The following NDST4 variants were observed in gnomAD, a reference collection of about 807,000 sequenced individuals.
The protein encoded by NDST4 is N-heparan sulfate sulfotransferase 4.
In NDST4, 63 loss-of-function variants were observed where a neutral mutation model predicts 100.8. That is an observed-to-expected ratio of 0.62 (90% CI 0.51 to 0.77). NDST4 has a LOEUF of 0.77. NDST4 is among the 30% of genes least tolerant of loss of function. The pLI, the probability that NDST4 is intolerant of heterozygous loss-of-function variation, is 0.00. For synonymous variants in NDST4, 377 were observed against 361.8 expected, an observed-to-expected ratio of 1.04 and a Z score of -0.48; for missense variants, 943 against 1,018.4, an observed-to-expected ratio of 0.93 and a Z score of 1.01.
intron 12 of NDST4, among the ~76,000 whole-genome samples, chr4:114,832,284 G>A (rs1171407861): frequency 6.6e-6 from 1 of 152,132 alleles, no homozygotes; most frequent in East Asian, 1.9e-4. Context: ...GGTTGTTTTA[G>A]TGGATAAGGA....
chr4:115,007,276 C>T (rs532512281), intron 2 of NDST4, among the ~76,000 whole-genome samples: 2 of 152,258 alleles, frequency 1.3e-5, no homozygotes, highest in African/African-American at 2.4e-5. Flanking sequence ...GTTAAAACTT[C>T]TAAATGCTTA....
rs376299284 is a variant in NDST4 at position 114,937,520 on chromosome 4, A to T, written c.1222-17T>A. On this transcript the variant is annotated splice_polypyrimidine_tract_variant and intron_variant, in intron 4 of 13. Transcript: ENST00000264363. ...TCCATGTTCCTAAAACAAAGCCAGA[A>T]CAACATCATGATGGGACAAGGCCAA... The T allele has an allele frequency of 2.0e-5, 30 of 1,527,906 alleles. No individual in the cohort carries two copies. The highest frequency in any genetic ancestry group is 2.5e-5 in the Non-Finnish European group (29 of 1,138,852). The allele number at this position is 1,527,906 out of a possible 1,614,324, so 94.6% of individuals were successfully genotyped here.
At chr4:115,099,681 A>G (rs1729691395) in intron 1 of NDST4, among the ~76,000 whole-genome samples, 1 of 152,178 alleles carries the variant, frequency 6.6e-6, no homozygotes, top group Non-Finnish European at 1.5e-5. Flanking sequence ...TGGGGAGGAC[A>G]TAGAGCAACA....
intron 2 of NDST4, among the ~76,000 whole-genome samples, chr4:114,986,794 A>ATATGTG (rs1726914603): frequency 9.6e-5 from 1 of 10,390 alleles, no homozygotes; most frequent in African/African-American, 3.4e-4. Context: ...CCAATTATAC[A>ATATGTG]TATATATATA....
intron 1 of NDST4, among the ~76,000 whole-genome samples, chr4:115,107,018 T>G (rs1729846510): frequency 6.6e-6 from 1 of 151,878 alleles, no homozygotes; most frequent in South Asian, 2.1e-4. Context: ...ATTATCTGGG[T>G]GAGGTGGTGT....
intron 2 of NDST4, among the ~76,000 whole-genome samples, chr4:115,047,308 A>G (rs1728483194): frequency 6.6e-6 from 1 of 152,096 alleles, no homozygotes; most frequent in South Asian, 2.1e-4. Context: ...AAATTAATGT[A>G]GTAATTTTTG....
chr4:114,975,929 C>T (rs1578425131), intron 3 of NDST4, among the ~76,000 whole-genome samples: 2 of 152,064 alleles, frequency 1.3e-5, no homozygotes, highest in East Asian at 1.9e-4. Flanking sequence ...ATTGCTTTGC[C>T]TGTGCAGATA....
intron 8 of NDST4, among the ~76,000 whole-genome samples, chr4:114,852,331 T>C (rs1177770231): frequency 6.6e-6 from 1 of 152,176 alleles, no homozygotes; most frequent in Non-Finnish European, 1.5e-5. Context: ...AAGGCTGATA[T>C]ACCAGATAAA....
chr4:114,992,768 C>T (rs1298239978), intron 2 of NDST4, among the ~76,000 whole-genome samples: 1 of 151,748 alleles, frequency 6.6e-6, no homozygotes, highest in Non-Finnish European at 1.5e-5. Flanking sequence ...ATAAGTTTTA[C>T]AATTAATTTA....
intron 2 of NDST4, among the ~76,000 whole-genome samples, chr4:115,001,681 A>G (rs1007920533): frequency 2.0e-5 from 3 of 152,022 alleles, no homozygotes; most frequent in African/African-American, 7.2e-5. Context: ...CAGGACTAGA[A>G]CCAAATAGGA....
Position 115,076,309 on chromosome 4 carries a change from G to A in NDST4, c.728C>T (p.Ser243Phe). The A allele has an allele frequency of 6.2e-7, 1 of 1,613,954 alleles. No individual in the cohort carries two copies. The highest frequency in any genetic ancestry group is 1.7e-5 in the Admixed American group (1 of 59,996). The change falls in exon 2 of 14, where the codon TCC becomes TTC. Residue 243 changes from serine (S) to phenylalanine (F), a missense_variant. Around this residue, in one of 2 missense-constraint regions of NDST4, gnomAD observed 417 missense variants for 384.2 expected, o/e 1.09. Coordinates refer to ENST00000264363, the MANE Select transcript of NDST4 (RefSeq NM_022569.3). ...TGTTTTGCTAGACAAGGATGACAGG[G>A]ATTTTTCTGTCTGTAACTCAGTTAA... ...VLLTELQTEK[S>F]LSSLSSKTLF...
chr4:114,963,564 G>T (rs1165252611), intron 4 of NDST4, among the ~76,000 whole-genome samples: 1 of 152,146 alleles, frequency 6.6e-6, no homozygotes, highest in Non-Finnish European at 1.5e-5. Flanking sequence ...TTACGTGGGT[G>T]AACCTTATGA....
At chr4:115,068,768 A>G (rs1251379318) in intron 2 of NDST4, among the ~76,000 whole-genome samples, 1 of 149,434 alleles carries the variant, frequency 6.7e-6, no homozygotes, top group Non-Finnish European at 1.5e-5. Context: ...GTGAGCCCAG[A>G]TTGCACCACT....
chr4:114,986,832 A>ATATTTTTT lies in NDST4; in HGVS notation c.979-9559_979-9558insAAAAAATA. Among the ~76,000 whole-genome samples the ATATTTTTT allele has an allele frequency of 4.9e-3, 465 of 94,580 alleles. 12 individuals carry two copies. The highest frequency in any genetic ancestry group is 0.012 in the African/African-American group (332 of 26,954). The allele number at this position is 94,580 out of a possible 152,430, so 62.0% of individuals were successfully genotyped here. The stretch of plus-strand genomic sequence containing the variant: ...TATATATATATATATATATATATAT[A>ATATTTTTT]TTTTAATATACTATTCCTATAAGCT... On this transcript the variant is annotated intron_variant, in intron 2 of 13. Coordinates refer to ENST00000264363, the MANE Select transcript of NDST4 (RefSeq NM_022569.3).
intron 2 of NDST4, among the ~76,000 whole-genome samples, chr4:115,010,230 T>C (rs1727511904): frequency 8.0e-6 from 1 of 125,352 alleles, no homozygotes; most frequent in African/African-American, 3.1e-5. Context: ...TAAAGACACA[T>C]GCACACGTAT....
chr4:114,831,129 TG>T (rs112164422), intron 12 of NDST4, among the ~76,000 whole-genome samples: 15,783 of 150,302 alleles, frequency 0.11, 893 homozygotes, highest in Middle Eastern at 0.14. Context: ...CTCGGCTCAC[TG>T]CAAGCTCCGC....
At chr4:115,107,470 T>C in intron 1 of NDST4, among the ~76,000 whole-genome samples, 1 of 150,740 alleles carries the variant, frequency 6.6e-6, no homozygotes, top group Non-Finnish European at 1.5e-5. Flanking sequence ...AAATTGCTAC[T>C]CCTCATCACA....
chr4:115,055,328 T>G (rs1454342384), intron 2 of NDST4, among the ~76,000 whole-genome samples: 1 of 152,088 alleles, frequency 6.6e-6, no homozygotes, highest in Non-Finnish European at 1.5e-5. Flanking sequence ...ACTTGAATCC[T>G]CCCAAAACCA....
Position 114,828,566 on chromosome 4 carries a change from TA to T in NDST4, c.2500-632del, listed in dbSNP as rs372659416. On this transcript the variant is annotated intron_variant, in intron 13 of 13. Transcript: ENST00000264363. ...AGATGGGCCGTTATTAGAGAAATGC[TA>T]AAAAAAATATGAATGGTTTTAGTTT... Among the ~76,000 whole-genome samples the T allele has an allele frequency of 4.0e-3, 607 of 151,812 alleles. 3 individuals are homozygous for T. The highest frequency in any genetic ancestry group is 0.013 in the African/African-American group (536 of 41,476).
Sources: allele counts gnomAD v4.1 joint callset (sites outside exome capture counted in the v4.1 genomes callset), GRCh38; gene constraint gnomAD v4.1.1; regional missense constraint gnomAD v4.1.1; transcripts MANE v1.5; gene names NCBI Gene and HGNC (gene_info 2026-07-23, HGNC 2026-07-21).